CHRNB4: variants seen among roughly 807,000 people sequenced by gnomAD.
The protein encoded by CHRNB4 is neuronal acetylcholine receptor subunit beta-4.
A neutral mutation model predicts 40.4 loss-of-function variants in CHRNB4; 23 were observed. The observed-to-expected ratio is 0.57, with a 90% CI of 0.41 to 0.81. The LOEUF (loss-of-function observed/expected upper bound fraction) is 0.81. Ranked by LOEUF, CHRNB4 falls within the 30% of genes least tolerant of loss-of-function variation. The probability of loss-of-function intolerance (pLI) is 0.00; values close to 1 mark genes in which losing one functional copy is unlikely to be tolerated. For missense variants in CHRNB4, 568 were observed against 670.6 expected (o/e 0.85, Z 1.69); for synonymous variants, 285 against 274.4 (o/e 1.04, Z -0.38).
In CHRNB4 at chr15:78,628,982, G is replaced by A. The variant is rs147489493; in HGVS notation, c.1323C>T (p.Asp441=). The A allele has an allele frequency of 1.9e-4, 303 of 1,612,414 alleles. 1 individual carries two copies. The Admixed American group carries it at 2.0e-3, about 11-fold the overall frequency. Residue 441 remains aspartate (D), a synonymous_variant, in exon 5 of 6, where the codon GAC becomes GAT. Coordinates refer to ENST00000261751, the MANE Select transcript of CHRNB4 (RefSeq NM_000750.5). Reference sequence around the variant, plus strand: ...AGCAACTTACACTCTGGTCTTCATCGTCATTCTTCATGTGCTGGGCGATGA... The same window carrying A: ...AGCAACTTACACTCTGGTCTTCATCATCATTCTTCATGTGCTGGGCGATGA... The part of the protein sequence containing the change: ...VSFIAQHMKN[D]DEDQSVVEDW...
chr15:78,645,969 A>T (rs181068802), upstream of CHRNB4, among the ~76,000 whole-genome samples: 73 of 151,910 alleles, frequency 4.8e-4, no homozygotes, highest in African/African-American at 1.7e-3. Flanking sequence ...CTGAGGCAGG[A>T]GAATCACTTG....
At chr15:78,640,205 G>A (rs1416291524) in intron 1 of CHRNB4, among the ~76,000 whole-genome samples, 1 of 152,164 alleles carries the variant, frequency 6.6e-6, no homozygotes, top group Non-Finnish European at 1.5e-5. Flanking sequence ...TCTATCCAAG[G>A]AAGAGGTAGC....
At chr15:78,652,994 T>A (rs578051605) in intron 5 of CHRNB4, among the ~76,000 whole-genome samples, 1 of 152,306 alleles carries the variant, frequency 6.6e-6, no homozygotes, top group East Asian at 1.9e-4. Flanking sequence ...TTTTTGAGGC[T>A]TGCTTTTTCC....
intron 1 of CHRNB4, among the ~76,000 whole-genome samples, chr15:78,635,985 G>A (rs1477428122): frequency 3.3e-5 from 5 of 151,872 alleles, no homozygotes; most frequent in African/African-American, 4.8e-5. Flanking sequence ...TCGGCTCACT[G>A]CAACCTCTGC....
chr15:78,645,543 TCAG>T (rs976296548), upstream of CHRNB4, among the ~76,000 whole-genome samples: 4 of 152,048 alleles, frequency 2.6e-5, no homozygotes, highest in Admixed American at 6.5e-5. Context: ...TCACCACCCC[TCAG>T]CTGGAATAAC....
chr15:78,625,188 G>A lies in CHRNB4; in HGVS notation c.1442C>T (p.Pro481Leu). 6.2e-7 allele frequency: 1 copy of A among 1,611,396 alleles called. No homozygotes were observed. Among genetic ancestry groups the A allele is most frequent in the Non-Finnish European group, 8.5e-7 (1 of 1,178,822 alleles). Residue 481 changes from proline to leucine, a missense_variant, in exon 6 of 6, where the codon CCC becomes CTC. By Grantham distance (98) the Pro-to-Leu change is moderately conservative (BLOSUM62 -3). Transcript: ENST00000261751. ...VLGTVGLFLP[P>L]LFQTHAASEG... is the part of the protein sequence containing the mutation. ...AGAAGCTGCATGGGTCTGGAAGAGG[G>A]GCGGTAGGAAGAGCCCCACAGTGCC... is the stretch of plus-strand genomic sequence containing the variant.
At chr15:78,651,872 G>A (rs1369955591) in intron 6 of CHRNB4, among the ~76,000 whole-genome samples, 1 of 152,164 alleles carries the variant, frequency 6.6e-6, no homozygotes, top group Non-Finnish European at 1.5e-5. Context: ...TCTTGAAAAG[G>A]GTTGCATCTG....
intron 1 of CHRNB4, among the ~76,000 whole-genome samples, chr15:78,638,065 G>C (rs1416068365): frequency 6.6e-6 from 1 of 152,202 alleles, no homozygotes. Flanking sequence ...TGGCATGTCT[G>C]AGGCAGCTCT....
chr15:78,640,278 G>A (rs1385840153), intron 1 of CHRNB4, among the ~76,000 whole-genome samples: 1 of 152,132 alleles, frequency 6.6e-6, no homozygotes, highest in African/African-American at 2.4e-5. Context: ...GAGCTAGAAG[G>A]GCCCTTGGAA....
intron 7 of CHRNB4, among the ~76,000 whole-genome samples, chr15:78,647,149 A>G (rs1394739398): frequency 1.3e-5 from 2 of 152,242 alleles, no homozygotes; most frequent in African/African-American, 4.8e-5. Context: ...GGAGAAAAAA[A>G]TATTAAAAGC....
chr15:78,635,717 C>T, intron 1 of CHRNB4, 130 bp from the exon 2 acceptor site: 2 of 1,202,178 alleles, frequency 1.7e-6, no homozygotes, highest in Non-Finnish European at 2.4e-6. Context: ...AAGGTGCTGG[C>T]AGGCCTGTCT....
At chr15:78,643,931 C>T (rs1465588952), upstream of CHRNB4, among the ~76,000 whole-genome samples, 13 of 148,982 alleles carry the variant, frequency 8.7e-5, no homozygotes, top group African/African-American at 2.0e-4. Context: ...GGGCGGATCA[C>T]GATGTCAGGA....
intron 4 of CHRNB4, among the ~76,000 whole-genome samples, chr15:78,630,299 C>T (rs1194289750): frequency 2.6e-5 from 4 of 152,060 alleles, no homozygotes; most frequent in African/African-American, 7.2e-5. Flanking sequence ...CCACCACGCC[C>T]GGCTAATTTT....
intron 6 of CHRNB4, among the ~76,000 whole-genome samples, chr15:78,649,732 G>A (rs1472244850): frequency 6.6e-6 from 1 of 152,006 alleles, no homozygotes; most frequent in Non-Finnish European, 1.5e-5. Flanking sequence ...AGATACCCAC[G>A]TAAGTAGCAG....
At chr15:78,640,123 T>C (rs1031266763) in intron 1 of CHRNB4, among the ~76,000 whole-genome samples, 2 of 152,236 alleles carry the variant, frequency 1.3e-5, no homozygotes, top group African/African-American at 4.8e-5. Context: ...ATTCCAGCTA[T>C]GGCTTCCTCT....
Position 78,625,087 on chromosome 15 carries a change from C to T in CHRNB4, c.*46G>A. On this transcript the variant is annotated 3_prime_UTR_variant, in exon 6 of 6. Coordinates refer to ENST00000261751, the MANE Select transcript of CHRNB4 (RefSeq NM_000750.5). ...CAACCCAGAAAGAAGCAGCAAAGTG[C>T]CCACCCGGCCACTCACATCCTCTCA... 6.2e-7 allele frequency: 1 copy of T among 1,612,898 alleles called. No individual in the cohort carries two copies. The highest frequency in any genetic ancestry group is 8.5e-7 in the Non-Finnish European group (1 of 1,179,820).
At position 78,629,677 on chromosome 15, in the gene CHRNB4, T is replaced by C; in HGVS notation, c.628A>G (p.Arg210Gly). 6.2e-7 allele frequency: 1 copy of C among 1,614,122 alleles called. No homozygotes were observed. Among genetic ancestry groups the C allele is most frequent in the Non-Finnish European group, 8.5e-7 (1 of 1,180,030 alleles). The change falls in exon 5 of 6, where the codon AGG (arginine) becomes GGG (glycine). Residue 210 changes from arginine to glycine, a missense_variant. Transcript: ENST00000261751. The surrounding 1 kb of genome is among the most constrained non-coding windows in gnomAD (Gnocchi z 6.8). ...CTGGGGTCTTGTGGGTTCACTGTCC[T>C]TCTCCCTGGGAGGGCCACTATGTCC... ...EWDIVALPGRRTVNPQDPSYV... is the reference protein window; with the variant it reads ...EWDIVALPGRGTVNPQDPSYV...
At chr15:78,656,470 G>T (rs181951513) in exon 4 of CHRNB4, 1 of 151,746 alleles carries the variant, frequency 6.6e-6, no homozygotes, top group Admixed American at 6.6e-5. Flanking sequence ...TTATATACAC[G>T]TAACAAAATT....
intron 6 of CHRNB4, among the ~76,000 whole-genome samples, chr15:78,650,945 T>G (rs1026289007): frequency 1.3e-4 from 20 of 152,242 alleles, no homozygotes; most frequent in African/African-American, 4.6e-4. Flanking sequence ...TTTGTGAGAT[T>G]TCATAGGGCG....
Sources: gnomAD v4.1 joint callset for allele counts (sites outside exome capture counted in the v4.1 genomes callset) on GRCh38, gnomAD v4.1.1 for gene constraint, Gnocchi (gnomAD v3.1) non-coding constraint, MANE v1.5 for transcripts, NCBI Gene and HGNC (gene_info 2026-07-23, HGNC 2026-07-21) for gene names.